The following SPTBN4 variants were observed in gnomAD, a reference collection of about 807,000 sequenced individuals.
SPTBN4 encodes the protein spectrin beta, non-erythrocytic 4, also known as spectrin beta chain, non-erythrocytic 4.
In SPTBN4, 96 loss-of-function variants were observed where a neutral mutation model predicts 277.8. The observed-to-expected ratio is 0.35, with a 90% CI of 0.29 to 0.41. SPTBN4 has a LOEUF of 0.41. SPTBN4 is among the 10% of genes least tolerant of loss of function. SPTBN4 has a pLI of 1.00. For missense variants in SPTBN4, 3,006 were observed against 3,595.7 expected (o/e 0.84, Z 4.19); for synonymous variants, 1,481 against 1,580.3 (o/e 0.94, Z 1.49).
intron 29 of SPTBN4, 47 bp downstream of exon 29, chr19:40,565,792 C>A: frequency 6.5e-7 from 1 of 1,538,356 alleles, no homozygotes; most frequent in Non-Finnish European, 8.8e-7. Flanking sequence ...CAGGGACATG[C>A]TCCAGCCTGT....
chr19:40,550,022 G>A (rs966635593), intron 21 of SPTBN4, among the ~76,000 whole-genome samples: 2 of 151,974 alleles, frequency 1.3e-5, no homozygotes, highest in African/African-American at 4.8e-5. Context: ...TGTTGTCCCA[G>A]CTACATGGGA....
chr19:40,532,000 G>T (rs2080680585), intron 18 of SPTBN4, among the ~76,000 whole-genome samples: 1 of 151,812 alleles, frequency 6.6e-6, no homozygotes, highest in African/African-American at 2.4e-5. Context: ...AGGGGTGCTA[G>T]ATCTCGATTA....
Position 40,504,145 on chromosome 19 carries a change from G to GA in SPTBN4, c.1665+13_1665+14insA. On this transcript the variant is annotated intron_variant, in intron 12 of 35. Transcript: ENST00000598249. ...GGAGGAGATGCAGGTGCCGGCGGGG[G>GA]GGCGGGGATGCGGGTGGAGTGCCAG... is the stretch of plus-strand genomic sequence containing the variant. 8.4e-7 allele frequency: 1 copy of GA among 1,188,250 alleles called. No individual in the cohort carries two copies. Among genetic ancestry groups the GA allele is most frequent in the Non-Finnish European group, 1.2e-6 (1 of 828,184 alleles). 73.6% of individuals were successfully genotyped at this position (1,188,250 alleles called of 1,614,324 possible). A position where few individuals can be genotyped will look rare whatever the true frequency, so the allele number is the denominator to read the frequency against.
intron 20 of SPTBN4, among the ~76,000 whole-genome samples, chr19:40,535,691 G>A (rs969364310): frequency 2.6e-5 from 4 of 152,098 alleles, no homozygotes; most frequent in Admixed American, 6.6e-5. Context: ...CCAGCACTTC[G>A]GGAGGCCGAG....
At chr19:40,535,318 A>G (rs571862676) in intron 20 of SPTBN4, among the ~76,000 whole-genome samples, 1 of 152,110 alleles carries the variant, frequency 6.6e-6, no homozygotes, top group South Asian at 2.1e-4. Context: ...TCAGCCTTCC[A>G]AAGTGCTTGG....
At chr19:40,503,186 T>C (rs1346052921) in intron 11 of SPTBN4, among the ~76,000 whole-genome samples, 1 of 149,682 alleles carries the variant, frequency 6.7e-6, no homozygotes, top group Non-Finnish European at 1.5e-5. Context: ...GAATTCATCT[T>C]TTCAGGAATG....
chr19:40,531,464 GTTTTTTTTTTTTTTTTT>G lies in SPTBN4; in HGVS notation c.3949-1142_3949-1126del, dbSNP rs71173645. Among the ~76,000 whole-genome samples, 337 of 40,928 alleles carry G rather than the reference GTTTTTTTTTTTTTTTTT, an allele frequency of 8.2e-3. 5 individuals are homozygous for G. Among genetic ancestry groups the G allele is most frequent in the African/African-American group, 0.023 (288 of 12,426 alleles). 26.9% of individuals were successfully genotyped at this position (40,928 alleles called of 152,430 possible). On this transcript the variant is annotated intron_variant, in intron 18 of 35. Coordinates refer to ENST00000598249, the MANE Select transcript of SPTBN4 (RefSeq NM_020971.3). ...ACCGCGGAGCTGGAGTCCAGTGTTTGTTTTTTTTTTTTTTTTTTTTTTTTTTTTTTTTTTTGCAGGAG... is the reference window on the plus strand; with the variant it reads ...ACCGCGGAGCTGGAGTCCAGTGTTTGTTTTTTTTTTTTTTTTTTGCAGGAG...
intron 17 of SPTBN4, among the ~76,000 whole-genome samples, chr19:40,527,979 C>T (rs1599767696): frequency 1.4e-5 from 2 of 144,798 alleles, no homozygotes; most frequent in South Asian, 4.6e-4. Context: ...TCGCTTGAAC[C>T]TGGGGGGTGG....
rs374553888 is a variant in SPTBN4 at position 40,570,516 on chromosome 19, G to A, written c.7107G>A (p.Pro2369=). Residue 2369 remains proline, a synonymous_variant, in exon 33 of 36, where the codon CCG becomes CCA. Transcript: ENST00000598249. ...GLELPERTPR[P]DRPRARDRPK... is the part of the protein sequence containing the mutation. Reference sequence around the variant, plus strand: ...AGCTGCCCGAGCGGACACCTCGGCCGGACCGGCCCCGGGCGCGGGACCGGC... The same window carrying A: ...AGCTGCCCGAGCGGACACCTCGGCCAGACCGGCCCCGGGCGCGGGACCGGC... The A allele has an allele frequency of 2.0e-5, 30 of 1,505,426 alleles. No homozygotes were observed. Among genetic ancestry groups the A allele is most frequent in the Non-Finnish European group, 2.3e-5 (26 of 1,134,188 alleles). 93.3% of individuals were successfully genotyped at this position (1,505,426 alleles called of 1,614,324 possible).
At chr19:40,504,155 GC>G in intron 12 of SPTBN4, 23 bp downstream of exon 12, 1 of 1,259,910 alleles carries the variant, frequency 7.9e-7, no homozygotes, top group Non-Finnish European at 1.1e-6. Context: ...GGGCGGGGAT[GC>G]GGGTGGAGTG....
chr19:40,539,870 G>A (rs1254183587), intron 20 of SPTBN4, among the ~76,000 whole-genome samples: 1 of 152,050 alleles, frequency 6.6e-6, no homozygotes, highest in Non-Finnish European at 1.5e-5. Context: ...AATGCATTAA[G>A]TGGTTTCAGA....
chr19:40,493,739 CACAT>C (rs1311421044), intron 5 of SPTBN4, among the ~76,000 whole-genome samples: 1 of 152,100 alleles, frequency 6.6e-6, no homozygotes, highest in Non-Finnish European at 1.5e-5. Flanking sequence ...AAATAACAAA[CACAT>C]AAATAAATAA....
In SPTBN4 at chr19:40,560,791, C is replaced by T; in HGVS notation, c.5915+388C>T. The T allele has an allele frequency of 2.6e-6, 3 of 1,169,942 alleles. No homozygotes were observed. Among genetic ancestry groups the T allele is most frequent in the Non-Finnish European group, 3.2e-6 (3 of 931,584 alleles). 72.5% of individuals were successfully genotyped at this position (1,169,942 alleles called of 1,614,324 possible). A position where few individuals can be genotyped will look rare whatever the true frequency, so the allele number is the denominator to read the frequency against. ...TTCATTAGTGGGCATGGGCTTATTG[C>T]TCACATAGTGGTTGGATGTGAGTGT... On this transcript the variant is annotated intron_variant, in intron 27 of 35. Transcript: ENST00000598249. This position sits in a 1 kb window ranked among gnomAD's most constrained non-coding sequence, Gnocchi z 5.2.
At chr19:40,562,834 CAA>C (rs111380293) in intron 27 of SPTBN4, among the ~76,000 whole-genome samples, 1 of 135,708 alleles carries the variant, frequency 7.4e-6, no homozygotes. Context: ...AATTCCATCT[CAA>C]AAAAAAAAAA....
intron 6 of SPTBN4, among the ~76,000 whole-genome samples, chr19:40,495,675 GA>G (rs2080189028): frequency 6.6e-6 from 1 of 151,616 alleles, no homozygotes. Flanking sequence ...CCAAAAAAAA[GA>G]AAAGAAAAGA....
chr19:40,485,572 T>C lies in SPTBN4; in HGVS notation c.170-2125T>C, dbSNP rs192620233. Among the ~76,000 whole-genome samples, 4 of 152,150 alleles carry C rather than the reference T, an allele frequency of 2.6e-5. No individual in the cohort carries two copies. In the East Asian group the frequency reaches 5.8e-4, roughly 22 times the overall value. On this transcript the variant is annotated intron_variant, in intron 2 of 35. Transcript: ENST00000598249. Reference sequence around the variant, plus strand: ...TGTAATCTCAGCACTTTGGGAAGCGTACGTGGGAGGATTGCTTGAGCACAG... The same window carrying C: ...TGTAATCTCAGCACTTTGGGAAGCGCACGTGGGAGGATTGCTTGAGCACAG...
chr19:40,482,730 G>A (rs1474968174), intron 2 of SPTBN4, among the ~76,000 whole-genome samples: 2 of 152,154 alleles, frequency 1.3e-5, no homozygotes, highest in East Asian at 3.9e-4. Context: ...GGGAGGCTGA[G>A]GCGGGCGGAT....
At chr19:40,499,375 T>G (rs1209989190) in intron 7 of SPTBN4, among the ~76,000 whole-genome samples, 1 of 151,886 alleles carries the variant, frequency 6.6e-6, no homozygotes, top group Non-Finnish European at 1.5e-5. Context: ...GAATTTAATA[T>G]TTAAACCCTG....
intron 2 of SPTBN4, 34 bp downstream of exon 2, chr19:40,472,824 GAGGGGGA>G (rs1465748406): frequency 6.8e-6 from 10 of 1,479,150 alleles, no homozygotes; most frequent in Non-Finnish European, 8.2e-6. Context: ...GGATGAGGAG[GAGGGGGA>G]AGGGGGAAGG....
Sources: allele counts gnomAD v4.1 joint callset (sites outside exome capture counted in the v4.1 genomes callset), GRCh38; gene constraint gnomAD v4.1.1; non-coding constraint Gnocchi (gnomAD v3.1); transcripts MANE v1.5; gene names NCBI Gene and HGNC (gene_info 2026-07-23, HGNC 2026-07-21).